The following NTM variants were observed in gnomAD, a reference collection of about 807,000 sequenced individuals.
NTM encodes the protein IgLON family member 2.
NTM carries 13 observed loss-of-function variants against 42.1 expected under a neutral mutation model. That is an observed-to-expected ratio of 0.31 (90% CI 0.20 to 0.49). The LOEUF (loss-of-function observed/expected upper bound fraction) is 0.49, where lower values mean the gene tolerates loss of function less well. Among genes scored for constraint, NTM ranks in the 20% least tolerant of loss-of-function variants. The pLI is 0.99. For synonymous variants in NTM, 187 were observed against 179.2 expected (o/e 1.04, Z -0.35); for missense variants, 373 against 452.8 (o/e 0.82, Z 1.60).
At chr11:132,090,769 AC>A (rs2060282756) in intron 2 of NTM, among the ~76,000 whole-genome samples, 1 of 151,712 alleles carries the variant, frequency 6.6e-6, no homozygotes, top group African/African-American at 2.4e-5. Flanking sequence ...CAACCTCCTT[AC>A]CCCACTGTCC....
At chr11:131,624,469 C>T (rs2062904974) in intron 1 of NTM, among the ~76,000 whole-genome samples, 1 of 152,088 alleles carries the variant, frequency 6.6e-6, no homozygotes. Context: ...TGTCTGTGGC[C>T]TCATAAGCCA....
chr11:131,936,449 G>A (rs909963574), intron 2 of NTM, among the ~76,000 whole-genome samples: 2 of 152,112 alleles, frequency 1.3e-5, no homozygotes, highest in East Asian at 1.9e-4. Context: ...TGGCCAAAAG[G>A]AACTTGTTGC....
chr11:131,958,227 G>A (rs1015326793), intron 2 of NTM, among the ~76,000 whole-genome samples: 6 of 152,104 alleles, frequency 3.9e-5, no homozygotes, highest in South Asian at 2.1e-4. Context: ...GACATAGAAC[G>A]TAAAAGGCAC....
intron 1 of NTM, among the ~76,000 whole-genome samples, chr11:131,751,562 C>T (rs1353538783): frequency 6.7e-6 from 1 of 150,288 alleles, no homozygotes; most frequent in East Asian, 2.0e-4. Context: ...TGCACTCTGG[C>T]CTGGGCAAAA....
chr11:131,660,073 C>T (rs1384379821), intron 1 of NTM, among the ~76,000 whole-genome samples: 2 of 152,168 alleles, frequency 1.3e-5, no homozygotes, highest in Admixed American at 6.5e-5. Context: ...CCGACAGAAC[C>T]GAATCAGTCG....
At chr11:131,472,368 G>C (rs956400775) in intron 1 of NTM, among the ~76,000 whole-genome samples, 1 of 152,176 alleles carries the variant, frequency 6.6e-6, no homozygotes, top group African/African-American at 2.4e-5. Flanking sequence ...GTTTGAAAAA[G>C]GAAGGGAATG....
intron 2 of NTM, among the ~76,000 whole-genome samples, chr11:131,920,915 C>A (rs1422729370): frequency 6.6e-6 from 1 of 152,126 alleles, no homozygotes; most frequent in African/African-American, 2.4e-5. Flanking sequence ...TTTCAAACGG[C>A]CTCTAATGTG....
intron 1 of NTM, among the ~76,000 whole-genome samples, chr11:131,556,760 T>A (rs1592041937): frequency 6.6e-6 from 1 of 151,508 alleles, no homozygotes; most frequent in Non-Finnish European, 1.5e-5. Context: ...TAGAGACGGG[T>A]TTTCACCGTA....
intron 1 of NTM, among the ~76,000 whole-genome samples, chr11:131,478,038 C>G (rs1953137208): frequency 6.6e-6 from 1 of 152,152 alleles, no homozygotes. Flanking sequence ...TATTTCTTCT[C>G]TCACTGCTTT....
intron 1 of NTM, among the ~76,000 whole-genome samples, chr11:131,476,651 CAAT>C: frequency 6.6e-6 from 1 of 151,958 alleles, no homozygotes; most frequent in Non-Finnish European, 1.5e-5. Context: ...TTTATCAAGA[CAAT>C]AAAAGAAAAA....
intron 3 of NTM, among the ~76,000 whole-genome samples, chr11:132,189,863 C>T (rs982741048): frequency 3.9e-5 from 6 of 152,102 alleles, no homozygotes; most frequent in South Asian, 2.1e-4. Flanking sequence ...TCCTACTATT[C>T]GCAAGAAACA....
chr11:132,107,339 CTTTTTT>C (rs780844735), intron 2 of NTM, among the ~76,000 whole-genome samples: 120 of 88,818 alleles, frequency 1.4e-3, no homozygotes, highest in African/African-American at 5.8e-3. Flanking sequence ...AAGATTTATC[CTTTTTT>C]TTTTTTTTTT....
chr11:131,831,086 T>G (rs1020968831), intron 1 of NTM, among the ~76,000 whole-genome samples: 2 of 152,174 alleles, frequency 1.3e-5, no homozygotes, highest in African/African-American at 4.8e-5. Context: ...TAGGGTTTTC[T>G]ACATATGGAA....
At chr11:132,094,213 T>C (rs1236496818) in intron 2 of NTM, among the ~76,000 whole-genome samples, 1 of 152,208 alleles carries the variant, frequency 6.6e-6, no homozygotes, top group Non-Finnish European at 1.5e-5. Flanking sequence ...ACTTAAAATA[T>C]ATAAGGAGGC....
At chr11:131,929,028 T>A (rs1035909668) in intron 2 of NTM, among the ~76,000 whole-genome samples, 4 of 152,266 alleles carry the variant, frequency 2.6e-5, no homozygotes, top group African/African-American at 9.6e-5. Context: ...GTGTTCCACA[T>A]CTGCTGAGTG....
chr11:132,232,940 T>C (rs1006172335), intron 4 of NTM, among the ~76,000 whole-genome samples: 3 of 152,262 alleles, frequency 2.0e-5, no homozygotes, highest in African/African-American at 7.2e-5. Flanking sequence ...TATCGTTTGC[T>C]AACTCCTGCA....
At chr11:131,952,142 A>C (rs1225162747) in intron 2 of NTM, among the ~76,000 whole-genome samples, 1 of 152,094 alleles carries the variant, frequency 6.6e-6, no homozygotes, top group East Asian at 1.9e-4. Flanking sequence ...AGGACAGCCT[A>C]AATGTCCCTA....
chr11:132,018,131 CTCTCTTTT>C (rs2073739433), intron 2 of NTM, among the ~76,000 whole-genome samples: 1 of 151,636 alleles, frequency 6.6e-6, no homozygotes, highest in Non-Finnish European at 1.5e-5. Flanking sequence ...GTCTCTCTGT[CTCTCTTTT>C]CCTCCCTCTC....
chr11:132,194,127 T>TTCTCATACCAAACCCTGGC (rs143922854), intron 3 of NTM, among the ~76,000 whole-genome samples: 102,233 of 151,780 alleles, frequency 0.67, 34,709 homozygotes, highest in Middle Eastern at 0.78. Flanking sequence ...GCCAGCATTA[T>TTCTCATACCAAACCCTGGC]AAAGACACAA....
Sources: allele counts gnomAD v4.1 joint callset (sites outside exome capture counted in the v4.1 genomes callset), GRCh38; gene constraint gnomAD v4.1.1; transcripts MANE v1.5; gene names NCBI Gene and HGNC (gene_info 2026-07-23, HGNC 2026-07-21).